SPANXN2: variants seen among roughly 807,000 people sequenced by gnomAD.
The protein encoded by SPANXN2 is sperm protein associated with the nucleus on the X chromosome N2.
Under a neutral mutation model 2.0 loss-of-function variants are expected in SPANXN2, and 1 was observed. The observed-to-expected ratio is 0.50, with a 90% CI of 0.18 to 2.36. The LOEUF (loss-of-function observed/expected upper bound fraction) is 2.36. Ranked by LOEUF, SPANXN2 falls within the 30% of genes most tolerant of loss-of-function variation. The pLI is 0.26. For missense variants in SPANXN2, 88 were observed against 116.7 expected (o/e 0.75, Z 1.13); for synonymous variants, 43 against 49.8 (o/e 0.86, Z 0.58).
Position 143,713,476 on chromosome X carries a change from G to A in SPANXN2, c.79-977C>T, listed in dbSNP as rs782641226. On this transcript the variant is annotated intron_variant, in intron 1 of 1. Coordinates refer to ENST00000598475, the Ensembl canonical transcript of SPANXN2. ...TCCAGATTCCTCTCTATTTCTGCCC[G>A]TTCTCCAAAAAATTCCAGTGCTGGG... Among the ~76,000 whole-genome samples, 21 of 111,220 alleles carry A rather than the reference G, an allele frequency of 1.9e-4. No homozygotes were observed. In the South Asian group the frequency reaches 4.7e-3, roughly 25 times the overall value.
At chrX:143,720,070 C>T (rs1569482788) in intron 1 of SPANXN2, among the ~76,000 whole-genome samples, 2 of 110,851 alleles carry the variant, frequency 1.8e-5, no homozygotes, top group Non-Finnish European at 3.8e-5. Context: ...CTCCCCTATT[C>T]GGCAGCAAGC....
exon 2 of SPANXN2, chrX:143,711,979 T>A: frequency 8.3e-7 from 1 of 1,207,830 alleles, no homozygotes; most frequent in Non-Finnish European, 1.1e-6. Flanking sequence ...TTGATTTTAT[T>A]GTAATCATCG....
chrX:143,719,971 C>T (rs1260514215), intron 1 of SPANXN2, among the ~76,000 whole-genome samples: 5 of 110,880 alleles, frequency 4.5e-5, no homozygotes, highest in Non-Finnish European at 9.4e-5. Context: ...TACCATCCTT[C>T]TCCTCTGCCA....
chrX:143,712,130 C>A lies in SPANXN2; in HGVS notation c.448G>T (p.Glu150Ter), dbSNP rs782316029. The A allele has an allele frequency of 8.3e-7, 1 of 1,211,292 alleles. No homozygotes were observed. Residue 150 changes from glutamate to a stop codon, truncating the protein, a stop_gained, in exon 2 of 2, where the codon GAG becomes TAG. Transcript: ENST00000598475. LOFTEE classifies it low-confidence loss of function (END_TRUNC). ...TCAGGTGGGTCCAGGTCTTCGTCCTCCTGTGAAGATCCTTCAGATGAGTCC... is the reference window on the plus strand; with the variant it reads ...TCAGGTGGGTCCAGGTCTTCGTCCTACTGTGAAGATCCTTCAGATGAGTCC...
At chrX:143,718,496 C>G (rs1932308003) in intron 1 of SPANXN2, among the ~76,000 whole-genome samples, 1 of 111,303 alleles carries the variant, frequency 9.0e-6, no homozygotes, top group Non-Finnish European at 1.9e-5. Context: ...ACTACTCCCA[C>G]AGCGCCAAAG....
At chrX:143,720,461 G>C (rs1293588474) in intron 1 of SPANXN2, 130 bp downstream of exon 1, 4 of 656,124 alleles carry the variant, frequency 6.1e-6, no homozygotes, top group Non-Finnish European at 6.7e-6. Context: ...AGCGGCGGTG[G>C]GTTCTGGCAT....
chrX:143,712,808 G>A (rs1932190815), intron 1 of SPANXN2, among the ~76,000 whole-genome samples: 1 of 111,683 alleles, frequency 9.0e-6, no homozygotes, highest in Admixed American at 9.5e-5. Flanking sequence ...CTGACCACAG[G>A]GCGGACAAAG....
At chrX:143,720,414 C>T (rs1488109891) in intron 1 of SPANXN2, among the ~76,000 whole-genome samples, 177 bp downstream of exon 1, 1 of 90,384 alleles carries the variant, frequency 1.1e-5, no homozygotes, top group Non-Finnish European at 2.2e-5. Context: ...ACTGCCCCGG[C>T]CCCTCCCACC....
exon 2 of SPANXN2, chrX:143,712,079 G>A (rs1419563354): frequency 1.7e-6 from 2 of 1,211,014 alleles, no homozygotes; most frequent in African/African-American, 1.7e-5. Flanking sequence ...GATGAGTCTA[G>A]GTCTTCGTCC....
At chrX:143,712,227 T>C (rs1932173269) in exon 2 of SPANXN2, 1 of 470,367 alleles carries the variant, frequency 2.1e-6, no homozygotes. Flanking sequence ...ATCCTTCAGA[T>C]GAGTCCAGGT....
At chrX:143,717,926 A>G (rs1932296112) in intron 1 of SPANXN2, among the ~76,000 whole-genome samples, 1 of 111,553 alleles carries the variant, frequency 9.0e-6, no homozygotes, top group Non-Finnish European at 1.9e-5. Flanking sequence ...ACCACCAAAA[A>G]GGCACACACC....
chrX:143,717,940 G>A (rs1161863001), intron 1 of SPANXN2, among the ~76,000 whole-genome samples: 14 of 111,498 alleles, frequency 1.3e-4, no homozygotes, highest in Admixed American at 1.1e-3. Context: ...ACACACCATC[G>A]CTTCTATTCT....
At position 143,712,127 on chromosome X, in the gene SPANXN2, C is replaced by A. The variant is rs782542488; in HGVS notation, c.451G>T (p.Asp151Tyr). The change falls in exon 2 of 2, where the codon GAC (aspartate) becomes TAC (tyrosine). Residue 151 changes from aspartate (D) to tyrosine (Y), a missense_variant. By Grantham distance (160) the Asp-to-Tyr change is radical. This residue lies in a region of SPANXN2 where 29 missense variants were observed against 60.3 expected (regional missense o/e 0.48). Coordinates refer to ENST00000598475, the Ensembl canonical transcript of SPANXN2. ...CCTTCAGGTGGGTCCAGGTCTTCGTCCTCCTGTGAAGATCCTTCAGATGAG... is the reference window on the plus strand; with the variant it reads ...CCTTCAGGTGGGTCCAGGTCTTCGTACTCCTGTGAAGATCCTTCAGATGAG... The A allele has an allele frequency of 1.7e-6, 2 of 1,208,819 alleles. 1 individual carries two copies. Among genetic ancestry groups the A allele is most frequent in the Non-Finnish European group, 2.2e-6 (2 of 894,803 alleles).
chrX:143,718,256 T>C (rs1932303157), intron 1 of SPANXN2, among the ~76,000 whole-genome samples: 1 of 111,600 alleles, frequency 9.0e-6, no homozygotes, highest in African/African-American at 3.3e-5. Flanking sequence ...CCATTTATCC[T>C]CCAGAATCTC....
At chrX:143,712,700 C>G (rs73566151) in intron 1 of SPANXN2, among the ~76,000 whole-genome samples, 2,578 of 111,078 alleles carry the variant, frequency 0.023, 93 homozygotes, top group African/African-American at 0.081. Context: ...TTAGTCCAAA[C>G]TGCACGATTT....
At chrX:143,717,870 A>C (rs1282117898) in intron 1 of SPANXN2, among the ~76,000 whole-genome samples, 5 of 111,838 alleles carry the variant, frequency 4.5e-5, no homozygotes, top group East Asian at 2.8e-4. Context: ...TATACATTCT[A>C]ACAATAGTAG....
chrX:143,713,730 G>A (rs781811489), intron 1 of SPANXN2, among the ~76,000 whole-genome samples: 60 of 110,963 alleles, frequency 5.4e-4, no homozygotes, highest in African/African-American at 2.0e-3. Flanking sequence ...TCCCTTCCAG[G>A]GTACTCACTT....
At chrX:143,715,605 C>G (rs1182003553) in intron 1 of SPANXN2, among the ~76,000 whole-genome samples, 3 of 105,753 alleles carry the variant, frequency 2.8e-5, no homozygotes, top group Non-Finnish European at 5.9e-5. Context: ...TTAAAATAAC[C>G]CTTCAAAACC....
At chrX:143,717,311 T>G (rs1932284870) in intron 1 of SPANXN2, among the ~76,000 whole-genome samples, 2 of 111,791 alleles carry the variant, frequency 1.8e-5, no homozygotes, top group Non-Finnish European at 1.9e-5. Flanking sequence ...CCATAAGAAA[T>G]GGCAAACTTA....
Sources: gnomAD v4.1 joint callset for allele counts (sites outside exome capture counted in the v4.1 genomes callset) on GRCh38, gnomAD v4.1.1 for gene constraint, gnomAD v4.1.1 regional missense constraint, MANE v1.5 for transcripts, NCBI Gene and HGNC (gene_info 2026-07-23, HGNC 2026-07-21) for gene names.